SHOC2: variants seen among roughly 807,000 people sequenced by gnomAD.
SHOC2 encodes SHOC2 leucine rich repeat scaffold protein, also known as leucine-rich repeat protein SHOC-2.
A neutral mutation model predicts 50.2 loss-of-function variants in SHOC2; 4 were observed. That is an observed-to-expected ratio of 0.08 (90% confidence interval 0.04 to 0.18). The LOEUF is 0.18. SHOC2 is among the 10% of genes least tolerant of loss of function. SHOC2 has a pLI of 1.00. For missense variants in SHOC2, 388 were observed against 669.6 expected (o/e 0.58, Z 4.64); for synonymous variants, 218 against 244.5 (o/e 0.89, Z 1.01).
At chr10:110,950,470 A>C (rs1413773387) in intron 1 of SHOC2, among the ~76,000 whole-genome samples, 5 of 152,212 alleles carry the variant, frequency 3.3e-5, no homozygotes, top group African/African-American at 1.2e-4. Context: ...TATATTTGAT[A>C]CAACAGCTAT....
At chr10:110,987,484 A>T (rs537503106) in intron 3 of SHOC2, among the ~76,000 whole-genome samples, 6 of 152,180 alleles carry the variant, frequency 3.9e-5, no homozygotes, top group African/African-American at 1.4e-4. Context: ...TAGTGGAAAG[A>T]GATTACATAT....
In SHOC2 at chr10:110,964,616, C is replaced by T; in HGVS notation, c.258C>T (p.Ser86=). Residue 86 remains serine, a synonymous_variant, in exon 2 of 9, where the codon AGC becomes AGT. Transcript: ENST00000369452. This position sits in a 1 kb window ranked among gnomAD's most constrained non-coding sequence, Gnocchi z 4.9. The part of the protein sequence containing the change: ...NPAPGTRKKS[S]NAEVIKELNK... ...CACCTGGGACTAGAAAAAAATCCAG[C>T]AATGCAGAGGTGATTAAAGAGCTCA... is the stretch of plus-strand genomic sequence containing the variant. 6.2e-7 allele frequency: 1 copy of T among 1,614,102 alleles called. No homozygotes were observed. Among genetic ancestry groups the T allele is most frequent in the South Asian group, 1.1e-5 (1 of 91,084 alleles).
intron 1 of SHOC2, among the ~76,000 whole-genome samples, chr10:110,953,428 T>C (rs1210487807): frequency 1.3e-5 from 2 of 152,224 alleles, no homozygotes; most frequent in East Asian, 3.8e-4. Context: ...TTTAGAAATG[T>C]GCATTTAAAA....
chr10:110,966,790 T>C (rs574638248), intron 2 of SHOC2, among the ~76,000 whole-genome samples: 1 of 152,324 alleles, frequency 6.6e-6, no homozygotes, highest in South Asian at 2.1e-4. Context: ...AATTTGTTAA[T>C]GGGCTCCTTC....
At chr10:110,949,334 T>C (rs1458866081) in intron 1 of SHOC2, among the ~76,000 whole-genome samples, 2 of 152,126 alleles carry the variant, frequency 1.3e-5, no homozygotes, top group South Asian at 2.1e-4. Flanking sequence ...AACAGATGGA[T>C]AGCCTAGAAG....
chr10:110,925,070 C>A (rs368656302), intron 1 of SHOC2, among the ~76,000 whole-genome samples: 1,351 of 81,928 alleles, frequency 0.016, no homozygotes, highest in East Asian at 0.028. Flanking sequence ...GACTCTGTCT[C>A]AAAAAAAAAA....
At chr10:111,009,960 T>C in intron 8 of SHOC2, 130 bp downstream of exon 8, 1 of 644,392 alleles carries the variant, frequency 1.6e-6, no homozygotes, top group South Asian at 1.9e-5. Flanking sequence ...GATTTTTTTT[T>C]TTAATAGAGC....
At chr10:110,923,568 A>G (rs1418685696) in intron 1 of SHOC2, among the ~76,000 whole-genome samples, 3 of 152,196 alleles carry the variant, frequency 2.0e-5, no homozygotes, top group East Asian at 3.8e-4. Context: ...CCCATTATCA[A>G]GATTTAAAAG....
intron 1 of SHOC2, among the ~76,000 whole-genome samples, chr10:110,923,772 CAT>C (rs1846701734): frequency 6.6e-6 from 1 of 152,170 alleles, no homozygotes; most frequent in Non-Finnish European, 1.5e-5. Flanking sequence ...ATGAACCTGA[CAT>C]ATTTTTATAA....
chr10:110,938,532 G>A (rs1847075159), intron 1 of SHOC2, among the ~76,000 whole-genome samples: 2 of 152,064 alleles, frequency 1.3e-5, no homozygotes, highest in Admixed American at 6.6e-5. Flanking sequence ...TACTAAATAA[G>A]TGTACTTTGA....
At chr10:110,995,672 T>G (rs967539632) in intron 3 of SHOC2, among the ~76,000 whole-genome samples, 1 of 152,222 alleles carries the variant, frequency 6.6e-6, no homozygotes, top group Admixed American at 6.5e-5. Flanking sequence ...TTACTGCTGC[T>G]TCCTAGGTAT....
At chr10:110,955,558 G>T (rs1847444257) in intron 1 of SHOC2, among the ~76,000 whole-genome samples, 1 of 152,142 alleles carries the variant, frequency 6.6e-6, no homozygotes, top group Non-Finnish European at 1.5e-5. Flanking sequence ...GCAGAGTTTT[G>T]TGTAGACTCA....
intron 4 of SHOC2, among the ~76,000 whole-genome samples, chr10:111,003,450 T>C (rs1300227082): frequency 2.0e-5 from 3 of 152,206 alleles, no homozygotes; most frequent in Non-Finnish European, 4.4e-5. Context: ...TGAATTTAAA[T>C]AGAGAAAGGA....
intron 4 of SHOC2, among the ~76,000 whole-genome samples, chr10:111,003,274 C>G (rs1452696592): frequency 1.3e-5 from 2 of 152,208 alleles, no homozygotes; most frequent in African/African-American, 4.8e-5. Flanking sequence ...ATTTTAAAAA[C>G]ATACATACCT....
chr10:110,924,791 C>T (rs181977309), intron 1 of SHOC2, among the ~76,000 whole-genome samples: 92 of 152,132 alleles, frequency 6.0e-4, no homozygotes, highest in Admixed American at 5.2e-3. Context: ...TACTTAAGGC[C>T]GGGCGTGGTG....
At chr10:110,961,055 C>T (rs780213896) in intron 1 of SHOC2, among the ~76,000 whole-genome samples, 24 of 152,002 alleles carry the variant, frequency 1.6e-4, no homozygotes, top group African/African-American at 4.8e-4. Flanking sequence ...GCTTCATATG[C>T]GGTAGTTATT....
At chr10:110,936,824 T>C (rs974036120) in intron 1 of SHOC2, 3 of 1,264,430 alleles carry the variant, frequency 2.4e-6, no homozygotes, top group African/African-American at 1.5e-5. Context: ...GTGCCCCAGA[T>C]AGGCAAACTT....
At chr10:110,983,497 G>GT (rs201014737) in intron 2 of SHOC2, among the ~76,000 whole-genome samples, 1,627 of 152,166 alleles carry the variant, frequency 0.011, 70 homozygotes, top group Admixed American at 0.081. Context: ...TGTCCCATAA[G>GT]TTTTTTTATT....
intron 3 of SHOC2, among the ~76,000 whole-genome samples, chr10:110,993,390 T>A (rs1331490315): frequency 6.6e-6 from 1 of 152,196 alleles, no homozygotes; most frequent in Admixed American, 6.5e-5. Flanking sequence ...TCATCCTTAA[T>A]TTTTTTAACC....
Sources: allele counts gnomAD v4.1 joint callset (sites outside exome capture counted in the v4.1 genomes callset), GRCh38; gene constraint gnomAD v4.1.1; non-coding constraint Gnocchi (gnomAD v3.1); transcripts MANE v1.5; gene names NCBI Gene and HGNC (gene_info 2026-07-23, HGNC 2026-07-21).